Variants in NXPE4 observed in about 807,000 individuals in gnomAD.
NXPE4 encodes the protein NXPE family member 4.
In NXPE4, 42 loss-of-function variants were observed where a neutral mutation model predicts 33.3. The observed-to-expected ratio is 1.26, with a 90% CI of 0.98 to 1.63. The LOEUF (loss-of-function observed/expected upper bound fraction) is 1.63, where lower values mean the gene tolerates loss of function less well. NXPE4 is among the 40% of genes most tolerant of loss of function. NXPE4 has a pLI of 0.00. For synonymous variants in NXPE4, 253 were observed against 234.9 expected, an observed-to-expected ratio of 1.08 and a Z score of -0.71; for missense variants, 709 against 647.6, an observed-to-expected ratio of 1.09 and a Z score of -1.03.
Position 114,571,444 on chromosome 11 carries a change from C to T in NXPE4, c.1129G>A (p.Gly377Arg). ...ACAGCAAGCTGGTGTTGCAATTTTC[C>T]AGATTCATGCAGATCCACTGACTTC... ...TLKSVDLHES[G>R]KLQHQLAVDL... Residue 377 changes from glycine to arginine, a missense_variant, in exon 6 of 6, where the codon GGA becomes AGA. Gly to Arg is a moderately radical substitution (Grantham distance 125). Coordinates refer to ENST00000375478, the MANE Select transcript of NXPE4 (RefSeq NM_001077639.2). The T allele has an allele frequency of 6.2e-7, 1 of 1,609,316 alleles. No individual in the cohort carries two copies. Among genetic ancestry groups the T allele is most frequent in the Non-Finnish European group, 8.5e-7 (1 of 1,176,368 alleles).
chr11:114,597,128 T>A (rs190104122), upstream of NXPE4, among the ~76,000 whole-genome samples: 929 of 152,268 alleles, frequency 6.1e-3, 2 homozygotes, highest in Non-Finnish European at 8.9e-3. Context: ...AGACTCTGAT[T>A]AATTAAGAAA....
chr11:114,633,157 A>G, the NXPE4 span, among the ~76,000 whole-genome samples: 1 of 126,178 alleles, frequency 7.9e-6, no homozygotes, highest in Non-Finnish European at 1.6e-5. Flanking sequence ...TATATTTGGT[A>G]TTTTATTTTA....
At chr11:114,659,509 G>A in the NXPE4 span, among the ~76,000 whole-genome samples, 1 of 146,116 alleles carries the variant, frequency 6.8e-6, no homozygotes, top group Admixed American at 6.9e-5. Context: ...AATATCAAGT[G>A]GTCTAACAAA....
rs772086288 is a variant in NXPE4, at chr11:114,582,981, C to T, written c.137G>A (p.Trp46Ter). 5.0e-6 allele frequency: 8 copies of T among 1,613,504 alleles called. No individual in the cohort carries two copies. Among genetic ancestry groups the T allele is most frequent in the Admixed American group, 3.3e-5 (2 of 59,954 alleles). ...ALNLSISLHY[W>*]NNSTKSLFPK... ...GAATAAGGACTTTGTGGAGTTGTTC[C>T]AGTAATGGAGGGAGATGGATAAGTT... is the stretch of plus-strand genomic sequence containing the variant. Residue 46 changes from tryptophan to a stop codon, truncating the protein, a stop_gained, in exon 3 of 6, where the codon TGG becomes TAG. Coordinates refer to ENST00000375478, the MANE Select transcript of NXPE4 (RefSeq NM_001077639.2). LOFTEE classifies it high-confidence loss of function.
intron 2 of NXPE4, among the ~76,000 whole-genome samples, chr11:114,592,664 G>A (rs189959027): frequency 5.9e-4 from 89 of 152,106 alleles, no homozygotes; most frequent in African/African-American, 1.1e-3. Flanking sequence ...ATTCTTCATC[G>A]AAATAGAAAA....
chr11:114,616,104 A>G, the NXPE4 span, among the ~76,000 whole-genome samples: 1 of 148,816 alleles, frequency 6.7e-6, no homozygotes, highest in Non-Finnish European at 1.5e-5. Flanking sequence ...TAAGTAATGC[A>G]TCATGGGTAA....
upstream of NXPE4, among the ~76,000 whole-genome samples, chr11:114,596,078 GA>G (rs1343469517): frequency 6.6e-6 from 1 of 152,170 alleles, no homozygotes; most frequent in Non-Finnish European, 1.5e-5. Flanking sequence ...ATCATCAACA[GA>G]AAGTCAAACT....
the NXPE4 span, among the ~76,000 whole-genome samples, chr11:114,615,561 G>A: frequency 2.6e-5 from 4 of 151,222 alleles, no homozygotes; most frequent in Admixed American, 6.6e-5. Flanking sequence ...GTGTTGCTTC[G>A]TGGGTAACCA....
the NXPE4 span, among the ~76,000 whole-genome samples, chr11:114,625,991 G>T: frequency 2.6e-5 from 4 of 152,170 alleles, no homozygotes; most frequent in Non-Finnish European, 4.4e-5. Context: ...GGCGCACCAG[G>T]AGATTATATC....
At chr11:114,632,078 T>C in the NXPE4 span, among the ~76,000 whole-genome samples, 1 of 131,852 alleles carries the variant, frequency 7.6e-6, no homozygotes, top group Non-Finnish European at 1.5e-5. Context: ...TATAGTATAA[T>C]ATTATTATAT....
Position 114,570,828 on chromosome 11 carries a change from C to A in NXPE4, c.*110G>T. 1 of 693,412 alleles carries A rather than the reference C, an allele frequency of 1.4e-6. No homozygotes were observed. The highest frequency in any genetic ancestry group is 2.4e-6 in the Non-Finnish European group (1 of 417,696). The allele number at this position is 693,412 out of a possible 1,614,324, so 43.0% of individuals were successfully genotyped here. ...TTATGGATCAGCCATAATGTAGATT[C>A]TCTGCTCTTGCTAGTTGGGAATTCA... On this transcript the variant is annotated 3_prime_UTR_variant, in exon 6 of 6. Coordinates refer to ENST00000375478, the MANE Select transcript of NXPE4 (RefSeq NM_001077639.2).
chr11:114,656,468 C>A, the NXPE4 span, among the ~76,000 whole-genome samples: 252 of 152,158 alleles, frequency 1.7e-3, 3 homozygotes, highest in Admixed American at 0.016. Context: ...CCCTCTATAG[C>A]CAAGACAATT....
the NXPE4 span, among the ~76,000 whole-genome samples, chr11:114,619,986 G>A: frequency 6.6e-6 from 1 of 152,030 alleles, no homozygotes; most frequent in Admixed American, 6.5e-5. Flanking sequence ...TTACCTGGTG[G>A]ATAGTTAGTA....
At chr11:114,572,045 T>G (rs1948901302) in intron 5 of NXPE4, among the ~76,000 whole-genome samples, 1 of 152,186 alleles carries the variant, frequency 6.6e-6, no homozygotes, top group Non-Finnish European at 1.5e-5. Context: ...TATTCAAGGC[T>G]GCAAGACCTG....
the NXPE4 span, among the ~76,000 whole-genome samples, chr11:114,641,592 C>A: frequency 1.3e-5 from 2 of 151,878 alleles, no homozygotes; most frequent in Admixed American, 6.6e-5. Context: ...GTGTCCAAGT[C>A]AAGAATAGGA....
chr11:114,603,143 T>C, the NXPE4 span, among the ~76,000 whole-genome samples: 1 of 151,970 alleles, frequency 6.6e-6, no homozygotes, highest in Non-Finnish European at 1.5e-5. Context: ...TAATAATTAT[T>C]GCCTTGTCTC....
chr11:114,581,730 C>A lies in NXPE4; in HGVS notation c.887G>T (p.Cys296Phe). 6.2e-7 allele frequency: 1 copy of A among 1,611,096 alleles called. No homozygotes were observed. The highest frequency in any genetic ancestry group is 8.5e-7 in the Non-Finnish European group (1 of 1,177,858). The stretch of plus-strand genomic sequence containing the variant: ...CCAAACACAGGAGTACTTACTGTTG[C>A]ATTTGGAGACACTAATTGTATTGAA... ...EKFNTISVSK[C>F]NKETVAMKEK... The change falls in exon 4 of 6, where the codon TGC becomes TTC. Residue 296 changes from cysteine (C) to phenylalanine (F), a missense_variant. Coordinates refer to ENST00000375478, the MANE Select transcript of NXPE4 (RefSeq NM_001077639.2).
chr11:114,626,635 G>A, the NXPE4 span, among the ~76,000 whole-genome samples: 14 of 152,212 alleles, frequency 9.2e-5, no homozygotes, highest in Non-Finnish European at 1.0e-4. Flanking sequence ...CCAAAGGAAC[G>A]CAGTTCCTCA....
chr11:114,658,014 C>A, the NXPE4 span, among the ~76,000 whole-genome samples: 1 of 152,146 alleles, frequency 6.6e-6, no homozygotes, highest in Non-Finnish European at 1.5e-5. Context: ...ATTATATTTC[C>A]TGGTCTAAGG....
Sources: allele counts gnomAD v4.1 joint callset (sites outside exome capture counted in the v4.1 genomes callset), GRCh38; gene constraint gnomAD v4.1.1; transcripts MANE v1.5; gene names NCBI Gene and HGNC (gene_info 2026-07-23, HGNC 2026-07-21).